The following MYO3A variants were observed in gnomAD, a reference collection of about 807,000 sequenced individuals.
MYO3A encodes myosin-IIIa.
MYO3A carries 180 observed loss-of-function variants against 192.7 expected under a neutral mutation model. The observed-to-expected ratio is 0.93, with a 90% CI of 0.83 to 1.06. The LOEUF is 1.06. Ranked by LOEUF, MYO3A falls within the 50% of genes least tolerant of loss-of-function variation. MYO3A has a pLI of 0.00. For missense variants in MYO3A, 1,896 were observed against 1,905.0 expected (o/e 1.00, Z 0.09); for synonymous variants, 628 against 645.3 (o/e 0.97, Z 0.41).
chr10:26,086,121 G>C (rs1228105404), intron 14 of MYO3A, among the ~76,000 whole-genome samples: 5 of 152,188 alleles, frequency 3.3e-5, no homozygotes, highest in Non-Finnish European at 7.3e-5. Flanking sequence ...AAGAAAAGAA[G>C]TGTAATTGAC....
At chr10:25,998,325 T>C (rs79733103) in intron 6 of MYO3A, among the ~76,000 whole-genome samples, 6,569 of 152,298 alleles carry the variant, frequency 0.043, 180 homozygotes, top group Middle Eastern at 0.068. Flanking sequence ...TATTTTGGCT[T>C]AGCCCAGGAA....
At chr10:26,117,524 T>C (rs1838586105) in intron 17 of MYO3A, among the ~76,000 whole-genome samples, 1 of 152,136 alleles carries the variant, frequency 6.6e-6, no homozygotes, top group Non-Finnish European at 1.5e-5. Context: ...CCCCAGTGTG[T>C]GTTGTTCTCC....
chr10:26,094,957 A>G (rs569282173), intron 15 of MYO3A, among the ~76,000 whole-genome samples: 1 of 152,310 alleles, frequency 6.6e-6, no homozygotes, highest in African/African-American at 2.4e-5. Flanking sequence ...TAAGCTTAAT[A>G]ATAATAATTC....
chr10:25,953,255 C>T (rs1375715626), intron 3 of MYO3A, among the ~76,000 whole-genome samples: 2 of 151,922 alleles, frequency 1.3e-5, no homozygotes, highest in East Asian at 1.9e-4. Context: ...TCCATTTGTT[C>T]GTCTTAGGGT....
intron 14 of MYO3A, among the ~76,000 whole-genome samples, chr10:26,081,133 TCCCCCC>T (rs60099269): frequency 3.5e-5 from 3 of 84,940 alleles, no homozygotes; most frequent in South Asian, 5.5e-4. Context: ...TATATGCCCT[TCCCCCC>T]CCCCCCGCCC....
At position 26,070,153 on chromosome 10, in the gene MYO3A, C is replaced by G. The variant is rs138963946; in HGVS notation, c.1213C>G (p.Pro405Ala). The change falls in exon 13 of 35, where the codon CCT becomes GCT. Residue 405 changes from proline (P) to alanine (A), a missense_variant. Coordinates refer to ENST00000642920, the MANE Select transcript of MYO3A (RefSeq NM_017433.5). ...TGGATCAAAGAGAACTGCCAGTCCT[C>G]CTCACATTTTTGCAATGGCTGACTT... ...YIGSKRTASP[P>A]HIFAMADLGY... 6.8e-6 allele frequency: 11 copies of G among 1,612,386 alleles called. No homozygotes were observed. The highest frequency in any genetic ancestry group is 9.3e-6 in the Non-Finnish European group (11 of 1,178,704).
chr10:26,003,103 C>A (rs568752568), intron 6 of MYO3A, among the ~76,000 whole-genome samples: 11 of 152,248 alleles, frequency 7.2e-5, no homozygotes, highest in African/African-American at 2.6e-4. Context: ...CATCAACCTG[C>A]ACATCTACAA....
At chr10:26,140,046 G>A (rs1049845999) in intron 20 of MYO3A, among the ~76,000 whole-genome samples, 6 of 152,188 alleles carry the variant, frequency 3.9e-5, no homozygotes, top group Non-Finnish European at 7.3e-5. Flanking sequence ...GACCAGTTAA[G>A]GAAGGGAAAT....
intron 34 of MYO3A, among the ~76,000 whole-genome samples, chr10:26,207,258 C>A (rs1174079848): frequency 6.6e-6 from 1 of 152,058 alleles, no homozygotes; most frequent in Non-Finnish European, 1.5e-5. Context: ...GCTTTTGTTG[C>A]CAGTGCTTTT....
chr10:26,065,080 C>T (rs1295594124), intron 10 of MYO3A, among the ~76,000 whole-genome samples: 2 of 152,164 alleles, frequency 1.3e-5, no homozygotes, highest in East Asian at 1.9e-4. Flanking sequence ...AAAAGATACT[C>T]AGACAGAGAT....
chr10:26,189,993 G>T lies in MYO3A; in HGVS notation c.4439-3212G>T, dbSNP rs1312918330. Among the ~76,000 whole-genome samples the T allele has an allele frequency of 3.3e-5, 5 of 152,250 alleles. No individual in the cohort carries two copies. In the East Asian group the frequency reaches 9.7e-4, roughly 29 times the overall value. On this transcript the variant is annotated intron_variant, in intron 31 of 34. Coordinates refer to ENST00000642920, the MANE Select transcript of MYO3A (RefSeq NM_017433.5). ...CAGGAGAATAGCTTGAACCAGGGAGGCAGAGGTTGCAGTGAGCCAAAATTG... is the reference window on the plus strand; with the variant it reads ...CAGGAGAATAGCTTGAACCAGGGAGTCAGAGGTTGCAGTGAGCCAAAATTG...
intron 32 of MYO3A, among the ~76,000 whole-genome samples, chr10:26,195,891 C>T (rs1320820528): frequency 2.0e-5 from 3 of 152,148 alleles, no homozygotes; most frequent in Admixed American, 6.5e-5. Context: ...GTGGCTTCCA[C>T]GAGGTCAAGG....
intron 4 of MYO3A, among the ~76,000 whole-genome samples, chr10:25,987,455 C>T (rs1839724230): frequency 6.6e-6 from 1 of 152,138 alleles, no homozygotes; most frequent in South Asian, 2.1e-4. Flanking sequence ...TCTTCAAAAT[C>T]TATATATCTG....
At chr10:26,211,203 C>A (rs1395496244) in intron 34 of MYO3A, among the ~76,000 whole-genome samples, 1 of 152,184 alleles carries the variant, frequency 6.6e-6, no homozygotes, top group Admixed American at 6.5e-5. Flanking sequence ...GTGAATGAAT[C>A]TATGTAGCTG....
At chr10:26,106,416 A>G (rs891634423) in intron 17 of MYO3A, among the ~76,000 whole-genome samples, 3 of 152,220 alleles carry the variant, frequency 2.0e-5, no homozygotes, top group East Asian at 3.9e-4. Flanking sequence ...GAATTTTCCA[A>G]TGGCAGAATT....
chr10:25,956,495 AT>A (rs562368305), intron 4 of MYO3A, among the ~76,000 whole-genome samples: 32,335 of 128,780 alleles, frequency 0.25, 3,230 homozygotes, highest in African/African-American at 0.29. Flanking sequence ...GCCCAGCTAA[AT>A]TTTTTTTTTT....
At chr10:26,070,838 G>T (rs12768299) in intron 14 of MYO3A, among the ~76,000 whole-genome samples, 71,958 of 151,644 alleles carry the variant, frequency 0.47, 17,850 homozygotes, top group Middle Eastern at 0.59. Context: ...GAACTATGTA[G>T]ATCTAAATAT....
intron 2 of MYO3A, among the ~76,000 whole-genome samples, chr10:25,941,334 A>T (rs1055215922): frequency 1.8e-4 from 27 of 152,338 alleles, no homozygotes; most frequent in Non-Finnish European, 3.8e-4. Context: ...AAGCAAAGAA[A>T]GCAGAGGAAA....
chr10:26,211,923 G>T lies in MYO3A; in HGVS notation c.4811G>T (p.Arg1604Leu). The T allele has an allele frequency of 1.2e-6, 2 of 1,613,988 alleles. No individual in the cohort carries two copies. Among genetic ancestry groups the T allele is most frequent in the Non-Finnish European group, 8.5e-7 (1 of 1,179,974 alleles). ...ANPYDFRRLL[R>L]KTSQRRRLVQ... Reference sequence around the variant, plus strand: ...CCCTACGACTTCAGGAGGCTCCTGCGCAAAACCTCCCAGCGCCGGCGCCTC... The same window carrying T: ...CCCTACGACTTCAGGAGGCTCCTGCTCAAAACCTCCCAGCGCCGGCGCCTC... Residue 1604 changes from arginine (R) to leucine (L), a missense_variant, in exon 35 of 35, where the codon CGC becomes CTC. By Grantham distance (102) the Arg-to-Leu change is moderately radical. Coordinates refer to ENST00000642920, the MANE Select transcript of MYO3A (RefSeq NM_017433.5).
Sources: allele counts gnomAD v4.1 joint callset (sites outside exome capture counted in the v4.1 genomes callset), GRCh38; gene constraint gnomAD v4.1.1; transcripts MANE v1.5; gene names NCBI Gene and HGNC (gene_info 2026-07-23, HGNC 2026-07-21).